The following BICC1 variants were observed in gnomAD, a reference collection of about 807,000 sequenced individuals.
BICC1 encodes the protein protein bicaudal C homolog 1.
In BICC1, 43 loss-of-function variants were observed where a neutral mutation model predicts 111.0. That is an observed-to-expected ratio of 0.39 (90% CI 0.30 to 0.50). BICC1 has a LOEUF of 0.50. Among genes scored for constraint, BICC1 ranks in the 20% least tolerant of loss-of-function variants. BICC1 has a pLI of 0.88. For missense variants in BICC1, 1,091 were observed against 1,203.2 expected (o/e 0.91, Z 1.38); for synonymous variants, 467 against 434.4 (o/e 1.07, Z -0.93).
chr10:58,686,899 C>T (rs1464425395), intron 2 of BICC1, among the ~76,000 whole-genome samples: 2 of 152,210 alleles, frequency 1.3e-5, no homozygotes, highest in Non-Finnish European at 2.9e-5. Flanking sequence ...GTCCATCTAG[C>T]TTTGTTCCAT....
At chr10:58,720,605 G>A (rs1840908625) in intron 3 of BICC1, among the ~76,000 whole-genome samples, 1 of 152,304 alleles carries the variant, frequency 6.6e-6, no homozygotes, top group Non-Finnish European at 1.5e-5. Flanking sequence ...ATCATTATGT[G>A]TTACAGGAAG....
At chr10:58,578,462 C>A (rs902242632) in intron 1 of BICC1, among the ~76,000 whole-genome samples, 4 of 152,156 alleles carry the variant, frequency 2.6e-5, no homozygotes, top group African/African-American at 9.7e-5. Flanking sequence ...CCGGCTAATC[C>A]ATTTTTCCTC....
intron 3 of BICC1, among the ~76,000 whole-genome samples, chr10:58,754,004 C>T (rs1842068112): frequency 6.6e-6 from 1 of 152,088 alleles, no homozygotes; most frequent in Non-Finnish European, 1.5e-5. Flanking sequence ...CATTGACCAC[C>T]AACTGTAAAG....
At chr10:58,587,981 C>A (rs1469150796) in intron 1 of BICC1, among the ~76,000 whole-genome samples, 1 of 152,120 alleles carries the variant, frequency 6.6e-6, no homozygotes, top group Middle Eastern at 3.2e-3. Flanking sequence ...TGAAGAGGAT[C>A]TCATTTAGAT....
chr10:58,822,781 A>G (rs1844289734), intron 20 of BICC1, among the ~76,000 whole-genome samples: 1 of 152,138 alleles, frequency 6.6e-6, no homozygotes, highest in African/African-American at 2.4e-5. Context: ...AAAGACATCC[A>G]TTTATAGTCC....
chr10:58,686,134 G>C (rs1049077665), intron 2 of BICC1, among the ~76,000 whole-genome samples: 16 of 152,100 alleles, frequency 1.1e-4, no homozygotes, highest in Non-Finnish European at 2.2e-4. Context: ...AGCTTAGTTT[G>C]GCTGGATATG....
intron 2 of BICC1, among the ~76,000 whole-genome samples, chr10:58,639,192 T>A (rs904888418): frequency 1.3e-5 from 2 of 152,150 alleles, no homozygotes; most frequent in African/African-American, 2.4e-5. Context: ...AACTGAAAAT[T>A]TTTTTAGTGT....
At chr10:58,582,074 T>C (rs950925864) in intron 1 of BICC1, among the ~76,000 whole-genome samples, 16 of 152,198 alleles carry the variant, frequency 1.1e-4, no homozygotes, top group African/African-American at 3.4e-4. Flanking sequence ...TAGCTTTCAA[T>C]TTTTGAAGAT....
Position 58,709,935 on chromosome 10 carries a change from T to C in BICC1, c.307+7792T>C, listed in dbSNP as rs575201355. 2.6e-5 allele frequency among the ~76,000 whole-genome samples: 4 copies of C among 152,282 alleles called. No homozygotes were observed. In the East Asian group the frequency reaches 7.7e-4, roughly 30 times the overall value. ...TCTCAGTAAGCTTTTAAATGAGACT[T>C]AACAAGACACAGCCTCCTGGTAGAC... On this transcript the variant is annotated intron_variant, in intron 3 of 20. Coordinates refer to ENST00000373886, the MANE Select transcript of BICC1 (RefSeq NM_001080512.3).
At chr10:58,752,329 G>A (rs889420225) in intron 3 of BICC1, among the ~76,000 whole-genome samples, 1 of 152,136 alleles carries the variant, frequency 6.6e-6, no homozygotes, top group Admixed American at 6.6e-5. Flanking sequence ...TATTAGGCAT[G>A]CCCAGGGATA....
intron 1 of BICC1, among the ~76,000 whole-genome samples, chr10:58,514,918 A>C (rs1309547153): frequency 6.6e-6 from 1 of 152,226 alleles, no homozygotes; most frequent in Non-Finnish European, 1.5e-5. Flanking sequence ...ATAGTAGCAC[A>C]TACTCATCCT....
chr10:58,780,826 A>C (rs1226214854), intron 3 of BICC1, among the ~76,000 whole-genome samples: 2 of 152,202 alleles, frequency 1.3e-5, no homozygotes, highest in African/African-American at 4.8e-5. Flanking sequence ...AGAGAAAATA[A>C]AATTTTAATT....
At chr10:58,795,069 G>A (rs774376822) in intron 9 of BICC1, among the ~76,000 whole-genome samples, 122 of 152,106 alleles carry the variant, frequency 8.0e-4, no homozygotes, top group Non-Finnish European at 1.6e-3. Flanking sequence ...TGCCTTTGGG[G>A]CAATAGAAAG....
chr10:58,712,920 C>T (rs1237129071), intron 3 of BICC1, among the ~76,000 whole-genome samples: 3 of 151,942 alleles, frequency 2.0e-5, no homozygotes, highest in Non-Finnish European at 2.9e-5. Flanking sequence ...TGCTCTGAGC[C>T]GGAAACTGCC....
chr10:58,766,609 A>G (rs990649524), intron 3 of BICC1, among the ~76,000 whole-genome samples: 1 of 152,172 alleles, frequency 6.6e-6, no homozygotes, highest in South Asian at 2.1e-4. Context: ...AATTTTGACA[A>G]TCACTCATGG....
At chr10:58,759,375 T>C (rs1391492854) in intron 3 of BICC1, among the ~76,000 whole-genome samples, 1 of 152,148 alleles carries the variant, frequency 6.6e-6, no homozygotes, top group African/African-American at 2.4e-5. Flanking sequence ...TTGAAACTTT[T>C]CTAGAGAGAG....
At chr10:58,545,057 C>A (rs927835007) in intron 1 of BICC1, among the ~76,000 whole-genome samples, 2 of 149,836 alleles carry the variant, frequency 1.3e-5, no homozygotes, top group African/African-American at 2.5e-5. Context: ...CTGTCAACAC[C>A]TTGCTTTTGT....
intron 3 of BICC1, among the ~76,000 whole-genome samples, chr10:58,759,165 G>T (rs957103246): frequency 1.3e-5 from 2 of 151,818 alleles, no homozygotes; most frequent in South Asian, 4.2e-4. Flanking sequence ...TTGTCATGTT[G>T]GCCAGGCTGG....
chr10:58,736,043 A>G (rs761820736), intron 3 of BICC1, among the ~76,000 whole-genome samples: 1 of 152,176 alleles, frequency 6.6e-6, no homozygotes, highest in Non-Finnish European at 1.5e-5. Context: ...ATCACTGCCA[A>G]TTGCAGGGGT....
Sources: gnomAD v4.1 joint callset for allele counts (sites outside exome capture counted in the v4.1 genomes callset) on GRCh38, gnomAD v4.1.1 for gene constraint, MANE v1.5 for transcripts, NCBI Gene and HGNC (gene_info 2026-07-23, HGNC 2026-07-21) for gene names.